The following COMMD9 variants were observed in gnomAD, a reference collection of about 807,000 sequenced individuals.
COMMD9 encodes the protein COMM domain-containing protein 9.
A neutral mutation model predicts 23.4 loss-of-function variants in COMMD9; 22 were observed. The observed-to-expected ratio is 0.94, with a 90% CI of 0.67 to 1.34. The LOEUF (loss-of-function observed/expected upper bound fraction) is 1.34, where lower values mean the gene tolerates loss of function less well. Ranked by LOEUF, COMMD9 falls within the 40% of genes most tolerant of loss-of-function variation. The probability of loss-of-function intolerance (pLI) is 0.00; values close to 1 mark genes in which losing one functional copy is unlikely to be tolerated. For synonymous variants in COMMD9, 99 were observed against 97.4 expected (o/e 1.02, Z -0.10); for missense variants, 231 against 240.2 (o/e 0.96, Z 0.25).
In COMMD9 at chr11:36,272,625, C is replaced by T. The variant is rs114926898; in HGVS notation, c.*2007G>A. 1.1e-3 allele frequency: 172 copies of T among 152,276 alleles called. No individual in the cohort carries two copies. The highest frequency in any genetic ancestry group is 3.8e-3 in the African/African-American group (159 of 41,554). The allele number at this position is 152,276 out of a possible 1,614,324, so 9.4% of individuals were successfully genotyped here. On this transcript the variant is annotated 3_prime_UTR_variant, in exon 6 of 6. Coordinates refer to ENST00000263401, the MANE Select transcript of COMMD9 (RefSeq NM_014186.4). ...GCTTCTGGGGTCCTTGACCTCTTGT[C>T]GTTGCATGCAAAAAATTGAATGTTC...
In COMMD9 at chr11:36,283,401, G is replaced by A. The variant is rs180791548; in HGVS notation, c.52-2564C>T. 7.7e-3 allele frequency among the ~76,000 whole-genome samples: 1,168 copies of A among 152,250 alleles called. 14 individuals carry two copies. Among genetic ancestry groups the A allele is most frequent in the Admixed American group, 0.012 (182 of 15,292 alleles). On this transcript the variant is annotated intron_variant, in intron 1 of 5. Coordinates refer to ENST00000263401, the MANE Select transcript of COMMD9 (RefSeq NM_014186.4). Reference sequence around the variant, plus strand: ...GATGTGGCTCTAAACGTATATAGAGGAAATATTTAAGACAATTATAAATGA... The same window carrying A: ...GATGTGGCTCTAAACGTATATAGAGAAAATATTTAAGACAATTATAAATGA...
chr11:36,276,736 G>T, intron 4 of COMMD9: 1 of 210,614 alleles, frequency 4.7e-6, no homozygotes, highest in Non-Finnish European at 9.5e-6. Flanking sequence ...CAGCACTGTG[G>T]CTGGCTCAGA....
intron 1 of COMMD9, among the ~76,000 whole-genome samples, chr11:36,284,569 C>A (rs1427769598): frequency 3.3e-5 from 5 of 152,148 alleles, no homozygotes; most frequent in African/African-American, 1.2e-4. Context: ...CAGCAGAATA[C>A]AAATTCATTT....
Position 36,289,286 on chromosome 11 carries a change from T to G in COMMD9, c.51+76A>C, listed in dbSNP as rs1856226704. ...TTGTGGCTCCAAACCAGGGTCAATT[T>G]GTTCCCAATTCCTGCTCCGTCTAAA... On this transcript the variant is annotated intron_variant, in intron 1 of 5. Transcript: ENST00000263401. 1.4e-6 allele frequency: 2 copies of G among 1,417,844 alleles called. 1 individual carries two copies. Among genetic ancestry groups the G allele is most frequent in the South Asian group, 2.7e-5 (2 of 75,358 alleles). The allele number at this position is 1,417,844 out of a possible 1,614,324, so 87.8% of individuals were successfully genotyped here. A position where few individuals can be genotyped will look rare whatever the true frequency, so the allele number is the denominator to read the frequency against.
chr11:36,286,679 C>T (rs1177248137), intron 1 of COMMD9, among the ~76,000 whole-genome samples: 1 of 151,994 alleles, frequency 6.6e-6, no homozygotes, highest in African/African-American at 2.4e-5. Context: ...GATGTGCATG[C>T]TGAAAACTAC....
intron 1 of COMMD9, among the ~76,000 whole-genome samples, chr11:36,288,800 AAAT>A (rs1856217013): frequency 6.6e-6 from 1 of 152,192 alleles, no homozygotes; most frequent in Non-Finnish European, 1.5e-5. Flanking sequence ...ACTCCGTCTC[AAAT>A]AATAATAATA....
At chr11:36,278,267 AG>A (rs142206210) in intron 3 of COMMD9, 35,203 of 514,086 alleles carry the variant, frequency 0.068, 1,161 homozygotes, top group South Asian at 0.11. Context: ...AGGTGTAAAG[AG>A]GAAAAAAAAA....
chr11:36,276,923 A>G (rs1855981451), intron 4 of COMMD9, 166 bp downstream of exon 4: 1 of 439,518 alleles, frequency 2.3e-6, no homozygotes, highest in Non-Finnish European at 4.0e-6. Flanking sequence ...TAATCAGAAA[A>G]AAGTTAAAAA....
intron 2 of COMMD9, among the ~76,000 whole-genome samples, chr11:36,279,778 C>G (rs1320574673): frequency 6.6e-6 from 1 of 152,180 alleles, no homozygotes; most frequent in African/African-American, 2.4e-5. Context: ...TCCTTTTCTA[C>G]AGCTCACTTC....
In COMMD9 at chr11:36,274,504, G is replaced by A. The variant is rs1196959856; in HGVS notation, c.*128C>T. ...ATCCAACTGTAACTTCTGGATGGCA[G>A]TAGCCCCCTGCTGTCCCCACCATCC... On this transcript the variant is annotated 3_prime_UTR_variant, in exon 6 of 6. Transcript: ENST00000263401. The A allele has an allele frequency of 4.2e-6, 5 of 1,178,758 alleles. No individual in the cohort carries two copies. Among genetic ancestry groups the A allele is most frequent in the African/African-American group, 1.5e-5 (1 of 66,594 alleles). The allele number at this position is 1,178,758 out of a possible 1,614,324, so 73.0% of individuals were successfully genotyped here.
In COMMD9 at chr11:36,289,391, G is replaced by A. The variant is rs369531251; in HGVS notation, c.22C>T (p.His8Tyr). The change falls in exon 1 of 6, where the codon CAT (histidine) becomes TAT (tyrosine). Residue 8 changes from histidine (H) to tyrosine (Y), a missense_variant. Transcript: ENST00000263401. ...AGCAGGCTCTGGAGTGCTGCAAAAT[G>A]CTCCGCTGTCAGGGCAGCCATCTTG... MAALTAE[H>Y]FAALQSLLKA... The A allele has an allele frequency of 1.9e-6, 3 of 1,551,950 alleles. No individual in the cohort carries two copies. Among genetic ancestry groups the A allele is most frequent in the South Asian group, 2.4e-5 (2 of 84,068 alleles).
In COMMD9 at chr11:36,289,365, G is replaced by C; in HGVS notation, c.48C>G (p.Leu16=). ...TGTCCCCACCCCTTCGACTTACCTT[G>C]AGCAGGCTCTGGAGTGCTGCAAAAT... ...AEHFAALQSL[L]KASSKDVVRQ... is the part of the protein sequence containing the mutation. The change falls in exon 1 of 6, where the codon CTC becomes CTG. Residue 16 remains leucine, a synonymous_variant. Transcript: ENST00000263401. 1 of 1,551,672 alleles carries C rather than the reference G, an allele frequency of 6.4e-7. No homozygotes were observed. Among genetic ancestry groups the C allele is most frequent in the South Asian group, 1.2e-5 (1 of 84,042 alleles).
chr11:36,284,094 A>T (rs1856110806), intron 1 of COMMD9, among the ~76,000 whole-genome samples: 1 of 138,840 alleles, frequency 7.2e-6, no homozygotes, highest in South Asian at 2.5e-4. Flanking sequence ...TGACAGAGCG[A>T]GACCCTGTCT....
At chr11:36,274,832 T>G (rs1354050790) in intron 5 of COMMD9, 60 bp from the exon 6 acceptor site, 4 of 1,600,786 alleles carry the variant, frequency 2.5e-6, no homozygotes, top group Non-Finnish European at 3.4e-6. Flanking sequence ...TCCCTGTAAG[T>G]GAGCCCTGAA....
chr11:36,285,690 T>C (rs997614337), intron 1 of COMMD9, among the ~76,000 whole-genome samples: 1 of 152,086 alleles, frequency 6.6e-6, no homozygotes, highest in African/African-American at 2.4e-5. Context: ...TATAATTATA[T>C]ATAATTATAC....
rs751168337 is a variant in COMMD9, at chr11:36,274,751, A to G, written c.478T>C (p.Cys160Arg). ...GCTGAGATGGAGGGTTTGTCTCCGC[A>G]TAGGCTGGGATCTTCTTGGATCTGA... ...QMKIQEDPSL[C>R]GDKPSISAVT... Residue 160 changes from cysteine (C) to arginine (R), a missense_variant, in exon 6 of 6, where the codon TGC (cysteine) becomes CGC (arginine). Physicochemically the swap from Cys to Arg is radical, Grantham distance 180 (BLOSUM62 -3). Coordinates refer to ENST00000263401, the MANE Select transcript of COMMD9 (RefSeq NM_014186.4). 1.2e-6 allele frequency: 2 copies of G among 1,614,158 alleles called. No homozygotes were observed.
chr11:36,274,889 T>C, intron 5 of COMMD9, 117 bp from the exon 6 acceptor site: 1 of 1,272,202 alleles, frequency 7.9e-7, no homozygotes, highest in Non-Finnish European at 1.1e-6. Flanking sequence ...AGAGAGGCTC[T>C]TTCCTAAGCA....
rs112853647 is a variant in COMMD9, at chr11:36,275,994, C to T, written c.456+143G>A. ...ATGTTACTGCAGTAGTACACATACA[C>T]GTTGTAACTAAACAAAGGAGGATAA... On this transcript the variant is annotated intron_variant, in intron 5 of 5. Coordinates refer to ENST00000263401, the MANE Select transcript of COMMD9 (RefSeq NM_014186.4). 293 of 628,278 alleles carry T rather than the reference C, an allele frequency of 4.7e-4. 1 individual carries two copies. The highest frequency in any genetic ancestry group is 3.9e-3 in the African/African-American group (214 of 54,710). 38.9% of individuals were successfully genotyped at this position (628,278 alleles called of 1,614,324 possible). A position where few individuals can be genotyped will look rare whatever the true frequency, so the allele number is the denominator to read the frequency against.
In COMMD9 at chr11:36,278,744, A is replaced by G. The variant is rs1242012625; in HGVS notation, c.178-128T>C. On this transcript the variant is annotated intron_variant, in intron 2 of 5. Coordinates refer to ENST00000263401, the MANE Select transcript of COMMD9 (RefSeq NM_014186.4). The stretch of plus-strand genomic sequence containing the variant: ...GCTATGGTCATTCAACTGAGTCACA[A>G]GTCCAGAGGCCTCTGTGGCACATGC... The G allele has an allele frequency of 2.3e-5, 20 of 871,560 alleles. No individual in the cohort carries two copies. In the East Asian group the frequency reaches 5.0e-4, roughly 22 times the overall value. 54.0% of individuals were successfully genotyped at this position (871,560 alleles called of 1,614,324 possible).
Sources: gnomAD v4.1 joint callset for allele counts (sites outside exome capture counted in the v4.1 genomes callset) on GRCh38, gnomAD v4.1.1 for gene constraint, MANE v1.5 for transcripts, NCBI Gene and HGNC (gene_info 2026-07-23, HGNC 2026-07-21) for gene names.